GALNT13: variants seen among roughly 807,000 people sequenced by gnomAD.
The protein encoded by GALNT13 is polypeptide N-acetylgalactosaminyltransferase 13.
GALNT13 carries 28 observed loss-of-function variants against 64.2 expected under a neutral mutation model. That is an observed-to-expected ratio of 0.44 (90% CI 0.32 to 0.60). GALNT13 has a LOEUF of 0.60. Among genes scored for constraint, GALNT13 ranks in the 20% least tolerant of loss-of-function variants. The pLI, the probability that GALNT13 is intolerant of heterozygous loss-of-function variation, is 0.05. For synonymous variants in GALNT13, 214 were observed against 224.6 expected (o/e 0.95, Z 0.42); for missense variants, 577 against 669.8 (o/e 0.86, Z 1.53).
At chr2:153,404,400 C>T in the GALNT13 span, among the ~76,000 whole-genome samples, 1 of 151,978 alleles carries the variant, frequency 6.6e-6, no homozygotes, top group Non-Finnish European at 1.5e-5. Flanking sequence ...CTGCACTGGC[C>T]CTGGACTTTT....
At chr2:153,960,123 C>A (rs1692842799) in intron 3 of GALNT13, among the ~76,000 whole-genome samples, 1 of 152,212 alleles carries the variant, frequency 6.6e-6, no homozygotes, top group Non-Finnish European at 1.5e-5. Flanking sequence ...TAGTGACAGA[C>A]CTCAAGTGTT....
rs780208770 is a variant in GALNT13, at chr2:154,431,043, G to A, written c.1396-7549G>A. On this transcript the variant is annotated intron_variant, in intron 11 of 12. Transcript: ENST00000392825. ...AATTCATGTGCCTTGCTTTAAATGCGATACTTGTTTTATTATAGTGATCTG... is the reference window on the plus strand; with the variant it reads ...AATTCATGTGCCTTGCTTTAAATGCAATACTTGTTTTATTATAGTGATCTG... 6.6e-5 allele frequency among the ~76,000 whole-genome samples: 10 copies of A among 152,074 alleles called. 1 individual carries two copies. Among genetic ancestry groups the A allele is most frequent in the African/African-American group, 9.7e-5 (4 of 41,408 alleles).
chr2:153,251,577 G>T, the GALNT13 span, among the ~76,000 whole-genome samples: 1 of 150,784 alleles, frequency 6.6e-6, no homozygotes, highest in East Asian at 2.0e-4. Context: ...CCACTGACTC[G>T]TCATCTCGCA....
At position 153,910,285 on chromosome 2, in the gene GALNT13, T is replaced by C. The variant is rs199792636; in HGVS notation, c.-105+9278T>C. Among the ~76,000 whole-genome samples the C allele has an allele frequency of 1.1e-4, 16 of 152,206 alleles. No homozygotes were observed. In the East Asian group the frequency reaches 2.7e-3, roughly 26 times the overall value. On this transcript the variant is annotated intron_variant, in intron 2 of 12. Coordinates refer to ENST00000392825, the MANE Select transcript of GALNT13 (RefSeq NM_052917.4). ...TGTGTGTTTCTGTAGGGATAGTGGT[T>C]ATTGCCTTTGTCATTTCTGATTGTG... is the stretch of plus-strand genomic sequence containing the variant.
At chr2:153,898,111 A>G (rs1435874367) in intron 1 of GALNT13, among the ~76,000 whole-genome samples, 3 of 152,120 alleles carry the variant, frequency 2.0e-5, no homozygotes, top group African/African-American at 7.2e-5. Flanking sequence ...TCTGGACCCC[A>G]TATATCTCTG....
chr2:153,665,292 A>T, the GALNT13 span, among the ~76,000 whole-genome samples: 1 of 152,348 alleles, frequency 6.6e-6, no homozygotes, highest in Non-Finnish European at 1.5e-5. Context: ...CCTTTTAGAA[A>T]TGAAGGTTTG....
At chr2:153,591,607 A>G in the GALNT13 span, among the ~76,000 whole-genome samples, 1 of 152,030 alleles carries the variant, frequency 6.6e-6, no homozygotes, top group African/African-American at 2.4e-5. Flanking sequence ...CACATATATC[A>G]ACAGAACAAA....
the GALNT13 span, among the ~76,000 whole-genome samples, chr2:153,297,999 A>C: frequency 2.6e-5 from 4 of 152,166 alleles, no homozygotes; most frequent in African/African-American, 9.7e-5. Context: ...CTTGCAGCTA[A>C]ACTAGGCTGG....
the GALNT13 span, among the ~76,000 whole-genome samples, chr2:153,758,265 A>T: frequency 6.7e-6 from 1 of 149,134 alleles, no homozygotes; most frequent in African/African-American, 2.5e-5. Context: ...TGTTTTAGAC[A>T]CCTTTATCAA....
At chr2:154,278,184 TC>T in intron 8 of GALNT13, among the ~76,000 whole-genome samples, 1 of 152,272 alleles carries the variant, frequency 6.6e-6, no homozygotes, top group Non-Finnish European at 1.5e-5. Context: ...GCGAAAAACA[TC>T]ATAACTTATG....
the GALNT13 span, among the ~76,000 whole-genome samples, chr2:153,631,227 T>C: frequency 1.3e-5 from 2 of 152,176 alleles, no homozygotes; most frequent in Non-Finnish European, 2.9e-5. Context: ...ACATTTGTGT[T>C]GGTTCCAAGT....
intron 3 of GALNT13, among the ~76,000 whole-genome samples, chr2:154,128,505 G>T (rs1292572012): frequency 6.6e-6 from 1 of 152,036 alleles, no homozygotes; most frequent in South Asian, 2.1e-4. Flanking sequence ...AATGAAAAAC[G>T]CAAAACCCAG....
At chr2:153,981,168 T>C (rs531402953) in intron 3 of GALNT13, among the ~76,000 whole-genome samples, 43 of 152,270 alleles carry the variant, frequency 2.8e-4, no homozygotes, top group Non-Finnish European at 5.3e-4. Flanking sequence ...CTACTGCTTA[T>C]TTGGTCTCAT....
chr2:153,750,119 T>C, the GALNT13 span, among the ~76,000 whole-genome samples: 1 of 151,918 alleles, frequency 6.6e-6, no homozygotes, highest in Non-Finnish European at 1.5e-5. Context: ...CTTGATACAA[T>C]GTATCACACT....
At chr2:153,919,528 C>T (rs1689611951) in intron 2 of GALNT13, among the ~76,000 whole-genome samples, 1 of 151,718 alleles carries the variant, frequency 6.6e-6, no homozygotes, top group East Asian at 1.9e-4. Context: ...CTTGAGCAGG[C>T]CTTTGATTTT....
intron 3 of GALNT13, among the ~76,000 whole-genome samples, chr2:154,127,685 T>G (rs1446493503): frequency 6.7e-6 from 1 of 149,346 alleles, no homozygotes; most frequent in Non-Finnish European, 1.5e-5. Flanking sequence ...TATAGTCATA[T>G]ATATATCCAT....
chr2:153,814,931 T>C, the GALNT13 span, among the ~76,000 whole-genome samples: 1 of 152,222 alleles, frequency 6.6e-6, no homozygotes, highest in Non-Finnish European at 1.5e-5. Flanking sequence ...GCTCTTCATG[T>C]CATGTTGAGA....
At chr2:153,379,979 T>C in the GALNT13 span, among the ~76,000 whole-genome samples, 2 of 152,070 alleles carry the variant, frequency 1.3e-5, no homozygotes, top group African/African-American at 4.8e-5. Flanking sequence ...TCCTGGAAGA[T>C]TGGAAAGTCT....
chr2:153,208,988 T>TTTG, the GALNT13 span, among the ~76,000 whole-genome samples: 1 of 139,386 alleles, frequency 7.2e-6, no homozygotes, highest in Non-Finnish European at 1.6e-5. Flanking sequence ...TTTTTTTTTT[T>TTTG]TTTTTTTTGA....
Sources: allele counts gnomAD v4.1 joint callset (sites outside exome capture counted in the v4.1 genomes callset), GRCh38; gene constraint gnomAD v4.1.1; transcripts MANE v1.5; gene names NCBI Gene and HGNC (gene_info 2026-07-23, HGNC 2026-07-21).